VPS13B: variants seen among roughly 807,000 people sequenced by gnomAD.
The protein encoded by VPS13B is vacuolar protein sorting 13 homolog B.
VPS13B carries 285 observed loss-of-function variants against 426.4 expected under a neutral mutation model. That is an observed-to-expected ratio of 0.67 (90% CI 0.61 to 0.74). The LOEUF (loss-of-function observed/expected upper bound fraction) is 0.74, where lower values mean the gene tolerates loss of function less well. Among genes scored for constraint, VPS13B ranks in the 30% least tolerant of loss-of-function variants. VPS13B has a pLI of 0.00. For missense variants in VPS13B, 4,537 were observed against 4,782.6 expected (o/e 0.95, Z 1.51); for synonymous variants, 1,676 against 1,676.4 (o/e 1.00, Z 0.01).
At chr8:99,104,097 T>C (rs905462242) in intron 5 of VPS13B, among the ~76,000 whole-genome samples, 2 of 152,212 alleles carry the variant, frequency 1.3e-5, no homozygotes, top group Non-Finnish European at 2.9e-5. Context: ...TCATAGAGTG[T>C]ACTTACACAA....
intron 30 of VPS13B, among the ~76,000 whole-genome samples, chr8:99,529,059 A>G (rs1479742463): frequency 1.3e-5 from 2 of 152,100 alleles, no homozygotes; most frequent in African/African-American, 4.8e-5. Context: ...TTTTGAAAAT[A>G]CATCTACCCT....
chr8:99,496,013 G>A (rs1820861990), intron 25 of VPS13B, among the ~76,000 whole-genome samples: 1 of 152,066 alleles, frequency 6.6e-6, no homozygotes, highest in Non-Finnish European at 1.5e-5. Flanking sequence ...TATTAGTGAT[G>A]GGGCATGGAT....
chr8:99,688,637 G>T (rs556607770), intron 35 of VPS13B, among the ~76,000 whole-genome samples: 1 of 151,982 alleles, frequency 6.6e-6, no homozygotes, highest in Non-Finnish European at 1.5e-5. Context: ...AGAAAATGGC[G>T]ACAGACTTGC....
chr8:99,503,029 T>C, intron 27 of VPS13B, 79 bp downstream of exon 27: 2 of 1,109,652 alleles, frequency 1.8e-6, no homozygotes, highest in Non-Finnish European at 2.7e-6. Context: ...TCTATTTTAA[T>C]TTGGCTGGTT....
At chr8:99,134,947 A>C (rs952931837) in intron 9 of VPS13B, 68 bp from the exon 10 acceptor site, 19 of 1,579,718 alleles carry the variant, frequency 1.2e-5, no homozygotes, top group Middle Eastern at 1.7e-4. Context: ...TAGAGATTCT[A>C]CAAGGAAAGC....
In VPS13B at chr8:99,520,957, TC is replaced by T; in HGVS notation, c.4696del (p.Gln1566ArgfsTer20). 1 of 1,613,750 alleles carries T rather than the reference TC, an allele frequency of 6.2e-7. No individual in the cohort carries two copies. The highest frequency in any genetic ancestry group is 1.7e-4 in the Middle Eastern group (1 of 6,060). Reference sequence around the variant, plus strand: ...TGAAGATTGGCTCTGTTGCCATGGCTCCCCAGGCTGACAATCCCCTTGGCAG... The same window carrying T: ...TGAAGATTGGCTCTGTTGCCATGGCTCCCAGGCTGACAATCCCCTTGGCAG... ...VLKIGSVAMA[P>X]QADNPLGRSV... On this transcript the variant is annotated frameshift_variant, in exon 30 of 62. Transcript: ENST00000357162. LOFTEE classifies it high-confidence loss of function.
chr8:99,308,614 A>G (rs1820771724), intron 19 of VPS13B, among the ~76,000 whole-genome samples: 1 of 152,022 alleles, frequency 6.6e-6, no homozygotes, highest in African/African-American at 2.4e-5. Flanking sequence ...AGTCTTTGCT[A>G]TTGTGAATAG....
chr8:99,493,708 G>A (rs1466887328), intron 25 of VPS13B, among the ~76,000 whole-genome samples: 1 of 151,266 alleles, frequency 6.6e-6, no homozygotes. Flanking sequence ...CTTGAACCTG[G>A]GAGGCGGAGG....
intron 39 of VPS13B, among the ~76,000 whole-genome samples, chr8:99,740,737 A>T (rs1346135419): frequency 6.6e-6 from 1 of 152,190 alleles, no homozygotes; most frequent in Non-Finnish European, 1.5e-5. Context: ...TTCATAAGTG[A>T]AGGAGAAATA....
In VPS13B at chr8:99,835,582, G is replaced by C; in HGVS notation, c.9786G>C (p.Glu3262Asp). 6.2e-7 allele frequency: 1 copy of C among 1,614,072 alleles called. No individual in the cohort carries two copies. Among genetic ancestry groups the C allele is most frequent in the African/African-American group, 1.3e-5 (1 of 75,004 alleles). ...FEVYCKKIPSECSIHHELYHQ... is the reference protein window; with the variant it reads ...FEVYCKKIPSDCSIHHELYHQ... ...TTTATTGCAAAAAAATTCCCTCCGAGTGCTCAATTCATCATGAGCTGTATC... is the reference window on the plus strand; with the variant it reads ...TTTATTGCAAAAAAATTCCCTCCGACTGCTCAATTCATCATGAGCTGTATC... Residue 3262 changes from glutamate to aspartate, a missense_variant, in exon 54 of 62, where the codon GAG becomes GAC. Glu to Asp is a conservative substitution (Grantham distance 45, BLOSUM62 2). Around this residue, in one of 2 missense-constraint regions of VPS13B, gnomAD observed 4,311 missense variants for 4,474.3 expected, o/e 0.96. Transcript: ENST00000357162.
At position 99,435,561 on chromosome 8, in the gene VPS13B, G is replaced by A. The variant is rs571868150; in HGVS notation, c.3210+3897G>A. 2.6e-5 allele frequency among the ~76,000 whole-genome samples: 4 copies of A among 152,104 alleles called. No individual in the cohort carries two copies. The South Asian group carries it at 6.2e-4, about 24-fold the overall frequency. The stretch of plus-strand genomic sequence containing the variant: ...ACTGGAGAATGTCCTTCTCTGGCCA[G>A]GATTAAATAACAGGAATAAGATTTA... On this transcript the variant is annotated intron_variant, in intron 22 of 61. Transcript: ENST00000357162.
chr8:99,097,269 A>G (rs2132435047), intron 4 of VPS13B, among the ~76,000 whole-genome samples: 2 of 152,320 alleles, frequency 1.3e-5, no homozygotes, highest in East Asian at 1.9e-4. Flanking sequence ...AATAACCTTC[A>G]AGATAGCTGA....
intron 54 of VPS13B, among the ~76,000 whole-genome samples, chr8:99,839,445 A>G (rs1240752538): frequency 6.6e-6 from 1 of 152,238 alleles, no homozygotes; most frequent in Non-Finnish European, 1.5e-5. Context: ...AAAGACTTGA[A>G]TAACCAATAA....
intron 33 of VPS13B, among the ~76,000 whole-genome samples, chr8:99,616,303 A>G (rs767054323): frequency 1.3e-5 from 2 of 152,166 alleles, no homozygotes; most frequent in Non-Finnish European, 1.5e-5. Context: ...TACTACCTAG[A>G]TGGATAATTT....
intron 54 of VPS13B, among the ~76,000 whole-genome samples, chr8:99,846,889 G>T (rs1447039806): frequency 1.3e-5 from 2 of 152,192 alleles, no homozygotes; most frequent in Admixed American, 1.3e-4. Flanking sequence ...CCTCTAAGGG[G>T]TCCTGAAGTT....
At chr8:99,104,103 C>T (rs1264183913) in intron 5 of VPS13B, among the ~76,000 whole-genome samples, 1 of 152,166 alleles carries the variant, frequency 6.6e-6, no homozygotes, top group Non-Finnish European at 1.5e-5. Flanking sequence ...AGTGTACTTA[C>T]ACAAACCTAG....
At chr8:99,823,445 TGAGGAG>T (rs950154314) in intron 50 of VPS13B, among the ~76,000 whole-genome samples, 1 of 151,788 alleles carries the variant, frequency 6.6e-6, no homozygotes, top group Non-Finnish European at 1.5e-5. Flanking sequence ...TGGGAGACCA[TGAGGAG>T]GAGGAGGAGG....
intron 36 of VPS13B, among the ~76,000 whole-genome samples, chr8:99,701,477 T>C (rs1832278298): frequency 6.6e-6 from 1 of 152,220 alleles, no homozygotes; most frequent in South Asian, 2.1e-4. Context: ...GATGTCTGTC[T>C]TTGGGAAACA....
intron 25 of VPS13B, among the ~76,000 whole-genome samples, chr8:99,496,989 A>G (rs1349797690): frequency 6.7e-6 from 1 of 150,264 alleles, no homozygotes; most frequent in Non-Finnish European, 1.5e-5. Flanking sequence ...TAATCACAGC[A>G]GTAGTATAGG....
Sources: gnomAD v4.1 joint callset for allele counts (sites outside exome capture counted in the v4.1 genomes callset) on GRCh38, gnomAD v4.1.1 for gene constraint, gnomAD v4.1.1 regional missense constraint, MANE v1.5 for transcripts, NCBI Gene and HGNC (gene_info 2026-07-23, HGNC 2026-07-21) for gene names.